The following KCNT2 variants were observed in gnomAD, a reference collection of about 807,000 sequenced individuals.
The protein encoded by KCNT2 is potassium channel subfamily T member 2.
A neutral mutation model predicts 153.8 loss-of-function variants in KCNT2; 67 were observed. The observed-to-expected ratio is 0.44, with a 90% CI of 0.36 to 0.53. KCNT2 has a LOEUF of 0.53. Ranked by LOEUF, KCNT2 falls within the 20% of genes least tolerant of loss-of-function variation. KCNT2 has a pLI of 0.00. For missense variants in KCNT2, 975 were observed against 1,354.8 expected (o/e 0.72, Z 4.40); for synonymous variants, 500 against 458.8 (o/e 1.09, Z -1.15).
intron 22 of KCNT2, among the ~76,000 whole-genome samples, chr1:196,292,779 TCCAG>T (rs1179447833): frequency 8.1e-6 from 1 of 123,218 alleles, no homozygotes; most frequent in Admixed American, 1.1e-4. Flanking sequence ...GCCACTGCAC[TCCAG>T]CCTGGGCGAC....
At chr1:196,556,640 A>C (rs1175103843) in intron 1 of KCNT2, among the ~76,000 whole-genome samples, 2 of 151,524 alleles carry the variant, frequency 1.3e-5, no homozygotes, top group Non-Finnish European at 1.5e-5. Flanking sequence ...GTATATACCC[A>C]AAAGAAAGGG....
At chr1:196,366,305 A>G (rs1029302490) in intron 14 of KCNT2, among the ~76,000 whole-genome samples, 1 of 151,726 alleles carries the variant, frequency 6.6e-6, no homozygotes, top group Non-Finnish European at 1.5e-5. Context: ...GATTACAGGC[A>G]TGCACCACCA....
intron 1 of KCNT2, among the ~76,000 whole-genome samples, chr1:196,556,896 C>A (rs1658742770): frequency 6.6e-6 from 1 of 151,208 alleles, no homozygotes; most frequent in Non-Finnish European, 1.5e-5. Flanking sequence ...ACAAACATTG[C>A]ATGCTCTTAT....
intron 20 of KCNT2, among the ~76,000 whole-genome samples, chr1:196,316,493 GAAATGTTTATTTTT>G (rs1294560773): frequency 4.6e-5 from 7 of 151,600 alleles, no homozygotes; most frequent in Admixed American, 1.3e-4. Context: ...ACAAAACTAT[GAAATGTTTATTTTT>G]AAATGTTTAT....
At chr1:196,490,703 A>T (rs1044592956) in intron 2 of KCNT2, among the ~76,000 whole-genome samples, 2 of 151,784 alleles carry the variant, frequency 1.3e-5, no homozygotes, top group Non-Finnish European at 2.9e-5. Context: ...TGTGGGTCAC[A>T]ATTATGCAGC....
At chr1:196,269,191 T>C (rs529530293) in intron 25 of KCNT2, among the ~76,000 whole-genome samples, 1 of 152,328 alleles carries the variant, frequency 6.6e-6, no homozygotes, top group South Asian at 2.1e-4. Context: ...AGAATGATTC[T>C]ATGTTAAGAA....
Position 196,325,310 on chromosome 1 carries a change from G to A in KCNT2, c.2276+1407C>T, listed in dbSNP as rs1260349606. Among the ~76,000 whole-genome samples the A allele has an allele frequency of 5.3e-5, 8 of 152,056 alleles. 1 individual carries two copies. The highest frequency in any genetic ancestry group is 2.0e-4 in the Admixed American group (3 of 15,240). On this transcript the variant is annotated intron_variant, in intron 19 of 27. Transcript: ENST00000294725. ...CTGTCTGTAACCTGGTACCTGAATT[G>A]ATCCAGTTTGATCCAAGCCATACAA...
intron 22 of KCNT2, among the ~76,000 whole-genome samples, chr1:196,289,150 A>AT (rs1659953939): frequency 6.6e-6 from 1 of 151,998 alleles, no homozygotes; most frequent in Admixed American, 6.6e-5. Context: ...AGAACTTTGT[A>AT]TTTTTTTATC....
rs1343410334 is a variant in KCNT2, at chr1:196,472,337, TTAAAG to T, written c.385-3274_385-3270del. 2.0e-5 allele frequency among the ~76,000 whole-genome samples: 3 copies of T among 152,202 alleles called. No individual in the cohort carries two copies. In the East Asian group the frequency reaches 5.8e-4, roughly 29 times the overall value. ...ATGATATTGTTTAAAACCTTTATAC[TTAAAG>T]TAATCATGTAGAAATGATTAAACTT... On this transcript the variant is annotated intron_variant, in intron 5 of 27. Transcript: ENST00000294725.
At chr1:196,378,675 A>G in intron 13 of KCNT2, among the ~76,000 whole-genome samples, 1 of 149,332 alleles carries the variant, frequency 6.7e-6, no homozygotes, top group East Asian at 2.0e-4. Context: ...ATATATTTAT[A>G]TAGACAAACA....
chr1:196,342,440 ATATATATG>A (rs950368703), intron 14 of KCNT2, among the ~76,000 whole-genome samples: 7 of 139,292 alleles, frequency 5.0e-5, no homozygotes, highest in East Asian at 2.0e-4. Context: ...ATATATATAT[ATATATATG>A]TATATATATA....
chr1:196,421,983 C>G (rs7551077), intron 12 of KCNT2, among the ~76,000 whole-genome samples: 72,048 of 151,854 alleles, frequency 0.47, 19,129 homozygotes, highest in Middle Eastern at 0.69. Context: ...CCCTAATGGT[C>G]TCATTATAAA....
intron 5 of KCNT2, among the ~76,000 whole-genome samples, chr1:196,475,672 A>C (rs1300821205): frequency 6.6e-6 from 1 of 152,176 alleles, no homozygotes; most frequent in Non-Finnish European, 1.5e-5. Flanking sequence ...AACATGCTTT[A>C]TTTAGAGACC....
chr1:196,266,205 A>G (rs1345575651), intron 25 of KCNT2, among the ~76,000 whole-genome samples: 1 of 152,178 alleles, frequency 6.6e-6, no homozygotes, highest in Non-Finnish European at 1.5e-5. Flanking sequence ...AAATTAACTT[A>G]TATGTTTCCT....
At chr1:196,314,519 A>G (rs1433180431) in intron 21 of KCNT2, among the ~76,000 whole-genome samples, 1 of 151,732 alleles carries the variant, frequency 6.6e-6, no homozygotes, top group Non-Finnish European at 1.5e-5. Flanking sequence ...CTGCATTATA[A>G]TAACTTTAAA....
At chr1:196,416,928 T>C (rs911638673) in intron 12 of KCNT2, among the ~76,000 whole-genome samples, 3 of 151,968 alleles carry the variant, frequency 2.0e-5, no homozygotes, top group Admixed American at 2.0e-4. Context: ...ACTCCCCCAC[T>C]ACCCTTCCCA....
chr1:196,297,952 G>A (rs1325563118), intron 22 of KCNT2, among the ~76,000 whole-genome samples: 4 of 152,132 alleles, frequency 2.6e-5, no homozygotes, highest in Non-Finnish European at 5.9e-5. Flanking sequence ...TATGTGCTCA[G>A]TAAATATTTA....
intron 13 of KCNT2, among the ~76,000 whole-genome samples, chr1:196,380,902 G>C (rs1669426031): frequency 1.3e-5 from 2 of 152,098 alleles, no homozygotes; most frequent in Admixed American, 6.6e-5. Flanking sequence ...GTGTGTGCAT[G>C]CGTGCGCGTG....
Position 196,481,377 on chromosome 1 carries a change from G to A in KCNT2, c.324+954C>T, listed in dbSNP as rs201749093. On this transcript the variant is annotated intron_variant, in intron 4 of 27. Coordinates refer to ENST00000294725, the MANE Select transcript of KCNT2 (RefSeq NM_198503.5). Reference sequence around the variant, plus strand: ...TAAGTGTAACATACATTATTTGAGTGATGGATATAGTGAAAAGCTGGACTT... The same window carrying A: ...TAAGTGTAACATACATTATTTGAGTAATGGATATAGTGAAAAGCTGGACTT... Among the ~76,000 whole-genome samples the A allele has an allele frequency of 1.2e-4, 18 of 152,266 alleles. No individual in the cohort carries two copies. In the East Asian group the frequency reaches 2.9e-3, roughly 24 times the overall value.
Sources: gnomAD v4.1 joint callset for allele counts (sites outside exome capture counted in the v4.1 genomes callset) on GRCh38, gnomAD v4.1.1 for gene constraint, MANE v1.5 for transcripts, NCBI Gene and HGNC (gene_info 2026-07-23, HGNC 2026-07-21) for gene names.